Variants in SDK1 observed in about 807,000 individuals in gnomAD.
SDK1 encodes the protein sidekick cell adhesion molecule 1.
Under a neutral mutation model 245.5 loss-of-function variants are expected in SDK1, and 157 were observed. That is an observed-to-expected ratio of 0.64 (90% CI 0.56 to 0.73). The LOEUF (loss-of-function observed/expected upper bound fraction) is 0.73. Among genes scored for constraint, SDK1 ranks in the 30% least tolerant of loss-of-function variants. The probability of loss-of-function intolerance (pLI) is 0.00; values close to 1 mark genes in which losing one functional copy is unlikely to be tolerated. For synonymous variants in SDK1, 1,647 were observed against 1,278.5 expected (o/e 1.29, Z -6.15); for missense variants, 3,583 against 3,002.3 (o/e 1.19, Z -4.52).
chr7:3,509,270 T>A (rs1408036305), intron 1 of SDK1, among the ~76,000 whole-genome samples: 1 of 152,148 alleles, frequency 6.6e-6, no homozygotes, highest in Non-Finnish European at 1.5e-5. Context: ...CTGGTTTTTC[T>A]GTTTGTGCTG....
intron 4 of SDK1, among the ~76,000 whole-genome samples, chr7:3,792,321 C>T (rs1781122990): frequency 6.6e-6 from 1 of 152,016 alleles, no homozygotes; most frequent in African/African-American, 2.4e-5. Context: ...CTGCATGTGC[C>T]TTTCCTCCTC....
At chr7:3,707,203 T>C (rs10250562) in intron 4 of SDK1, among the ~76,000 whole-genome samples, 14,108 of 152,266 alleles carry the variant, frequency 0.093, 802 homozygotes, top group African/African-American at 0.15. Context: ...CTATAAACTT[T>C]TCTCTTAGCA....
chr7:4,196,600 G>T (rs1382838998), intron 35 of SDK1, among the ~76,000 whole-genome samples: 1 of 152,098 alleles, frequency 6.6e-6, no homozygotes, highest in Non-Finnish European at 1.5e-5. Flanking sequence ...CCTGGCCAGG[G>T]GAGCCCTCCT....
At chr7:3,838,547 A>C (rs1470039019) in intron 5 of SDK1, among the ~76,000 whole-genome samples, 1 of 152,206 alleles carries the variant, frequency 6.6e-6, no homozygotes, top group Non-Finnish European at 1.5e-5. Flanking sequence ...CTGCTACTGT[A>C]GATAGAAACA....
chr7:4,122,878 T>C (rs907358172), intron 25 of SDK1, among the ~76,000 whole-genome samples: 2 of 152,354 alleles, frequency 1.3e-5, no homozygotes, highest in East Asian at 1.9e-4. Context: ...TGCAACTCCA[T>C]GGCAGATCTT....
rs1428472766 is a variant in SDK1, at chr7:3,596,155, G to A, written c.299-22925G>A. Among the ~76,000 whole-genome samples, 5 of 152,194 alleles carry A rather than the reference G, an allele frequency of 3.3e-5. No homozygotes were observed. In the East Asian group the frequency reaches 9.7e-4, roughly 29 times the overall value. On this transcript the variant is annotated intron_variant, in intron 1 of 44. Transcript: ENST00000404826. The stretch of plus-strand genomic sequence containing the variant: ...CATTTCCTTTGTTGGTGCTCAAAAA[G>A]TTCCGCATTTTGGAGCGTTTCAGTC...
intron 1 of SDK1, among the ~76,000 whole-genome samples, chr7:3,437,558 G>A (rs1780064988): frequency 1.3e-5 from 2 of 152,042 alleles, no homozygotes; most frequent in Non-Finnish European, 2.9e-5. Flanking sequence ...GATTGCTTGA[G>A]GTCAGGAGTT....
intron 1 of SDK1, among the ~76,000 whole-genome samples, chr7:3,436,850 G>C (rs749980287): frequency 6.6e-6 from 1 of 152,058 alleles, no homozygotes; most frequent in Non-Finnish European, 1.5e-5. Context: ...TTAAAAACTC[G>C]TCTACCCTCC....
chr7:3,515,198 G>A (rs1782705772), intron 1 of SDK1, among the ~76,000 whole-genome samples: 1 of 152,160 alleles, frequency 6.6e-6, no homozygotes, highest in Admixed American at 6.5e-5. Context: ...GAGCAGGGCT[G>A]TGCAACTGAA....
At chr7:3,845,512 AG>A (rs1780255096) in intron 5 of SDK1, among the ~76,000 whole-genome samples, 1 of 148,544 alleles carries the variant, frequency 6.7e-6, no homozygotes, top group African/African-American at 2.5e-5. Flanking sequence ...AAAAAAAAAA[AG>A]GCCCTAGAGA....
intron 5 of SDK1, among the ~76,000 whole-genome samples, chr7:3,916,188 G>A (rs1293336657): frequency 1.3e-5 from 2 of 152,206 alleles, no homozygotes; most frequent in East Asian, 1.9e-4. Flanking sequence ...GAGGCCAGTG[G>A]TCACATTCCT....
chr7:4,204,742 G>C (rs1052234318), intron 35 of SDK1, among the ~76,000 whole-genome samples: 1 of 152,208 alleles, frequency 6.6e-6, no homozygotes, highest in Non-Finnish European at 1.5e-5. Flanking sequence ...TCTGCCTCCG[G>C]GAGCCAGGCC....
At chr7:3,905,289 A>G (rs899941371) in intron 5 of SDK1, among the ~76,000 whole-genome samples, 2 of 152,272 alleles carry the variant, frequency 1.3e-5, no homozygotes, top group Non-Finnish European at 2.9e-5. Context: ...ATTATAAGTA[A>G]TGCCGCAATG....
intron 1 of SDK1, among the ~76,000 whole-genome samples, chr7:3,310,327 A>C (rs1779520776): frequency 6.6e-6 from 1 of 152,200 alleles, no homozygotes; most frequent in African/African-American, 2.4e-5. Flanking sequence ...TTTGTTGCAA[A>C]ATTGAGAATG....
intron 17 of SDK1, among the ~76,000 whole-genome samples, chr7:4,035,857 AGAGGCTCCTGCTAGT>A (rs1788171290): frequency 6.6e-6 from 1 of 152,196 alleles, no homozygotes; most frequent in Non-Finnish European, 1.5e-5. Context: ...GCCAACTTGA[AGAGGCTCCTGCTAGT>A]TAAAGATGGG....
intron 44 of SDK1, among the ~76,000 whole-genome samples, chr7:4,253,121 T>C (rs1787419700): frequency 6.6e-6 from 1 of 152,188 alleles, no homozygotes; most frequent in Non-Finnish European, 1.5e-5. Flanking sequence ...TTTTCTACTT[T>C]CTATTTCATT....
intron 4 of SDK1, among the ~76,000 whole-genome samples, chr7:3,766,077 T>C (rs951217279): frequency 6.6e-6 from 1 of 152,202 alleles, no homozygotes; most frequent in African/African-American, 2.4e-5. Context: ...TCCCAAGAGA[T>C]GACATTTCTG....
chr7:3,435,391 C>T (rs1337101539), intron 1 of SDK1, among the ~76,000 whole-genome samples: 2 of 120,240 alleles, frequency 1.7e-5, no homozygotes, highest in African/African-American at 6.5e-5. Context: ...AGTGCAGTGA[C>T]TTGATCTCAG....
rs73040487 is a variant in SDK1, at chr7:4,052,377, A to C, written c.2911+547A>C. ...GAGAAAATAGTCACAGATGCACACA[A>C]AGATTTATATATATACAAGGCGGCT... On this transcript the variant is annotated intron_variant, in intron 19 of 44. Coordinates refer to ENST00000404826, the MANE Select transcript of SDK1 (RefSeq NM_152744.4). 4.3e-3 allele frequency among the ~76,000 whole-genome samples: 651 copies of C among 152,242 alleles called. 5 individuals carry two copies. The highest frequency in any genetic ancestry group is 7.7e-3 in the Non-Finnish European group (525 of 67,996).
Sources: gnomAD v4.1 joint callset for allele counts (sites outside exome capture counted in the v4.1 genomes callset) on GRCh38, gnomAD v4.1.1 for gene constraint, MANE v1.5 for transcripts, NCBI Gene and HGNC (gene_info 2026-07-23, HGNC 2026-07-21) for gene names.